The following KCNIP1 variants were observed in gnomAD, a reference collection of about 807,000 sequenced individuals.
KCNIP1 encodes the protein potassium voltage-gated channel interacting protein 1.
In KCNIP1, 18 loss-of-function variants were observed where a neutral mutation model predicts 33.0. The ratio of observed to expected loss-of-function variants is 0.55; its 90% CI spans 0.38 to 0.81. The LOEUF (loss-of-function observed/expected upper bound fraction) is 0.81, where lower values mean the gene tolerates loss of function less well. KCNIP1 is among the 30% of genes least tolerant of loss of function. The pLI, the probability that KCNIP1 is intolerant of heterozygous loss-of-function variation, is 0.00. For missense variants in KCNIP1, 238 were observed against 271.6 expected (o/e 0.88, Z 0.87); for synonymous variants, 93 against 98.3 (o/e 0.95, Z 0.32).
intron 1 of KCNIP1, among the ~76,000 whole-genome samples, chr5:170,448,426 C>T (rs1315665786): frequency 6.6e-6 from 1 of 152,254 alleles, no homozygotes; most frequent in Non-Finnish European, 1.5e-5. Context: ...CATTGCTGTG[C>T]TCCCTTTTCT....
chr5:170,573,533 C>A (rs1757490780), intron 1 of KCNIP1, among the ~76,000 whole-genome samples: 1 of 152,070 alleles, frequency 6.6e-6, no homozygotes, highest in African/African-American at 2.4e-5. Flanking sequence ...CACCTTATAA[C>A]CATCTATGTT....
chr5:170,446,714 T>C (rs1756125264), intron 1 of KCNIP1, among the ~76,000 whole-genome samples: 1 of 152,178 alleles, frequency 6.6e-6, no homozygotes, highest in Non-Finnish European at 1.5e-5. Context: ...AATGCTGGGA[T>C]TACAGGCATG....
At chr5:170,555,219 T>C (rs537791872) in intron 1 of KCNIP1, among the ~76,000 whole-genome samples, 2 of 152,250 alleles carry the variant, frequency 1.3e-5, no homozygotes, top group Admixed American at 1.3e-4. Context: ...GCGCTCAGCC[T>C]ACTTTTTGAC....
intron 1 of KCNIP1, among the ~76,000 whole-genome samples, chr5:170,360,791 G>A (rs1266265314): frequency 6.6e-6 from 1 of 152,232 alleles, no homozygotes; most frequent in Non-Finnish European, 1.5e-5. Flanking sequence ...CACCACGTGG[G>A]AATCACCTAG....
chr5:170,622,530 G>C (rs977510852), intron 1 of KCNIP1, among the ~76,000 whole-genome samples: 4 of 150,514 alleles, frequency 2.7e-5, no homozygotes, highest in Non-Finnish European at 5.9e-5. Context: ...GCTGAGGCAA[G>C]AGAATTGCTT....
chr5:170,414,897 C>T (rs911343614), intron 1 of KCNIP1, among the ~76,000 whole-genome samples: 1 of 152,068 alleles, frequency 6.6e-6, no homozygotes, highest in East Asian at 1.9e-4. Context: ...ATGTGTGATG[C>T]GAAAAGGAAG....
chr5:170,522,933 G>T (rs1184469449), intron 1 of KCNIP1, among the ~76,000 whole-genome samples: 1 of 152,232 alleles, frequency 6.6e-6, no homozygotes, highest in Non-Finnish European at 1.5e-5. Context: ...TGATGATCGT[G>T]TCTGCAGCAG....
chr5:170,530,670 G>A (rs946348038), intron 1 of KCNIP1, among the ~76,000 whole-genome samples: 2 of 152,202 alleles, frequency 1.3e-5, no homozygotes, highest in Admixed American at 6.5e-5. Context: ...TCCCCAAGGT[G>A]GGTATTCAAA....
chr5:170,597,797 ATATATATATATATATATATAT>A (rs1447174954), intron 1 of KCNIP1, among the ~76,000 whole-genome samples: 20 of 1,788 alleles, frequency 0.011, no homozygotes, highest in Non-Finnish European at 0.044. Flanking sequence ...ATATATATAT[ATATATATATATATATATATAT>A]ATATATATAT....
At chr5:170,523,332 C>G (rs762456950) in intron 1 of KCNIP1, among the ~76,000 whole-genome samples, 119 of 152,322 alleles carry the variant, frequency 7.8e-4, no homozygotes, top group Middle Eastern at 6.8e-3. Context: ...CTGGGAAGCC[C>G]TCCGCCAGGA....
At chr5:170,423,423 C>T (rs1169819459) in intron 1 of KCNIP1, among the ~76,000 whole-genome samples, 1 of 152,036 alleles carries the variant, frequency 6.6e-6, no homozygotes, top group African/African-American at 2.4e-5. Context: ...CCCTTGTGTA[C>T]CTCTCTCCAT....
At chr5:170,574,924 G>GTTGT (rs897219075) in intron 1 of KCNIP1, among the ~76,000 whole-genome samples, 1 of 152,202 alleles carries the variant, frequency 6.6e-6, no homozygotes, top group African/African-American at 2.4e-5. Flanking sequence ...GCCAGGGTTT[G>GTTGT]TTGTTTGTTT....
At chr5:170,590,086 G>T (rs562056762) in intron 1 of KCNIP1, among the ~76,000 whole-genome samples, 1 of 152,150 alleles carries the variant, frequency 6.6e-6, no homozygotes, top group African/African-American at 2.4e-5. Flanking sequence ...GGAGCATAGC[G>T]CATGGCCGAT....
chr5:170,644,247 G>A (rs1256304512), intron 1 of KCNIP1, among the ~76,000 whole-genome samples: 1 of 152,254 alleles, frequency 6.6e-6, no homozygotes, highest in Non-Finnish European at 1.5e-5. Flanking sequence ...AGGTCCTGGG[G>A]ATGTAATGGT....
chr5:170,733,900 TA>T lies in KCNIP1; in HGVS notation c.603+4del. ...GAATTTCTTGAATCATGTCAGGAGG[TA>T]AGGAGAGATCTCAGGGCACAATAAC... On this transcript the variant is annotated splice_donor_region_variant and intron_variant, in intron 7 of 7. Coordinates refer to ENST00000328939, the MANE Select transcript of KCNIP1 (RefSeq NM_014592.4). 6.2e-7 allele frequency: 1 copy of T among 1,611,882 alleles called. No homozygotes were observed. The highest frequency in any genetic ancestry group is 8.5e-7 in the Non-Finnish European group (1 of 1,178,278).
chr5:170,508,710 C>A (rs552061620), intron 1 of KCNIP1, among the ~76,000 whole-genome samples: 1 of 152,344 alleles, frequency 6.6e-6, no homozygotes, highest in African/African-American at 2.4e-5. Flanking sequence ...TCCCACCCCA[C>A]CCCTTGCTGC....
chr5:170,645,587 C>T (rs1167780125), intron 1 of KCNIP1, among the ~76,000 whole-genome samples: 1 of 152,168 alleles, frequency 6.6e-6, no homozygotes, highest in Non-Finnish European at 1.5e-5. Context: ...TCAGTCAAGG[C>T]ATAGCTGAAC....
At chr5:170,377,072 T>C (rs952536322) in intron 1 of KCNIP1, 1 of 152,184 alleles carries the variant, frequency 6.6e-6, no homozygotes, top group African/African-American at 2.4e-5. Flanking sequence ...ATCTGCATCT[T>C]GGACTCACAA....
chr5:170,528,139 C>G (rs1279525741), intron 1 of KCNIP1, among the ~76,000 whole-genome samples: 1 of 152,072 alleles, frequency 6.6e-6, no homozygotes, highest in Non-Finnish European at 1.5e-5. Context: ...TGGAGGAGAC[C>G]TGCCTCTCAG....
Sources: gnomAD v4.1 joint callset for allele counts (sites outside exome capture counted in the v4.1 genomes callset) on GRCh38, gnomAD v4.1.1 for gene constraint, MANE v1.5 for transcripts, NCBI Gene and HGNC (gene_info 2026-07-23, HGNC 2026-07-21) for gene names.